Variants in CSMD1 observed in about 807,000 individuals in gnomAD.
CSMD1 encodes CUB and Sushi multiple domains 1.
Under a neutral mutation model 417.5 loss-of-function variants are expected in CSMD1, and 213 were observed. That is an observed-to-expected ratio of 0.51 (90% CI 0.46 to 0.57). The LOEUF (loss-of-function observed/expected upper bound fraction) is 0.57, where lower values mean the gene tolerates loss of function less well. CSMD1 is among the 20% of genes least tolerant of loss of function. CSMD1 has a pLI of 0.00. For synonymous variants in CSMD1, 2,862 were observed against 1,736.8 expected, an observed-to-expected ratio of 1.65 and a Z score of -16.11; for missense variants, 6,923 against 4,529.7, an observed-to-expected ratio of 1.53 and a Z score of -15.17.
At chr8:4,955,275 A>C (rs1809016375) in intron 1 of CSMD1, among the ~76,000 whole-genome samples, 2 of 152,096 alleles carry the variant, frequency 1.3e-5, no homozygotes. Flanking sequence ...AAAACCAATA[A>C]AGTTGCATAA....
At chr8:3,622,120 G>C (rs2449229) in intron 7 of CSMD1, among the ~76,000 whole-genome samples, 101,543 of 151,934 alleles carry the variant, frequency 0.67, 34,358 homozygotes, top group African/African-American at 0.74. Context: ...AGTTCTCAAT[G>C]AGTAAGCAGT....
chr8:4,413,621 G>C (rs1166903893), intron 3 of CSMD1, among the ~76,000 whole-genome samples: 3 of 152,122 alleles, frequency 2.0e-5, no homozygotes, highest in African/African-American at 4.8e-5. Context: ...CGAATATTCA[G>C]TTGCACAAGA....
At chr8:4,876,514 G>A (rs1338450181) in intron 1 of CSMD1, among the ~76,000 whole-genome samples, 2 of 152,112 alleles carry the variant, frequency 1.3e-5, no homozygotes, top group South Asian at 2.1e-4. Context: ...AAGACTATGT[G>A]TAAACATTTA....
At chr8:4,581,483 T>C (rs1286531687) in intron 2 of CSMD1, among the ~76,000 whole-genome samples, 7 of 152,214 alleles carry the variant, frequency 4.6e-5, no homozygotes, top group Non-Finnish European at 8.8e-5. Context: ...GAATATGAGA[T>C]AATCTTATGT....
At chr8:4,831,151 T>A (rs148637670) in intron 1 of CSMD1, among the ~76,000 whole-genome samples, 28 of 152,332 alleles carry the variant, frequency 1.8e-4, no homozygotes, top group Admixed American at 6.5e-4. Context: ...AATCATCCGT[T>A]ATTCAATGGA....
intron 3 of CSMD1, among the ~76,000 whole-genome samples, chr8:4,105,071 TTAAAG>T (rs1402750094): frequency 1.3e-5 from 2 of 152,178 alleles, no homozygotes; most frequent in African/African-American, 4.8e-5. Context: ...GCAATGAAAT[TTAAAG>T]TAAAGACAGC....
intron 7 of CSMD1, among the ~76,000 whole-genome samples, chr8:3,706,132 C>T (rs1585106779): frequency 6.6e-6 from 1 of 152,226 alleles, no homozygotes; most frequent in Non-Finnish European, 1.5e-5. Context: ...GGTTCACTTC[C>T]CTCCATTTAC....
intron 3 of CSMD1, among the ~76,000 whole-genome samples, chr8:4,269,939 T>G (rs553409024): frequency 2.6e-5 from 4 of 152,094 alleles, no homozygotes; most frequent in African/African-American, 9.7e-5. Context: ...AAGCCAACAG[T>G]TGGGGGAAAC....
chr8:3,781,146 G>T (rs954383663), intron 5 of CSMD1, among the ~76,000 whole-genome samples: 1 of 152,138 alleles, frequency 6.6e-6, no homozygotes, highest in Non-Finnish European at 1.5e-5. Context: ...CATGATCAAG[G>T]TTGTCCAAAC....
intron 3 of CSMD1, among the ~76,000 whole-genome samples, chr8:4,210,401 G>C (rs562132892): frequency 2.6e-5 from 4 of 152,266 alleles, no homozygotes; most frequent in Non-Finnish European, 5.9e-5. Flanking sequence ...GGATTTTATA[G>C]TGGAAACTGG....
intron 3 of CSMD1, among the ~76,000 whole-genome samples, chr8:4,039,638 C>G (rs891881685): frequency 1.3e-5 from 2 of 152,100 alleles, no homozygotes; most frequent in East Asian, 1.9e-4. Flanking sequence ...AGAGAAGGAC[C>G]TCATGGGACG....
chr8:4,023,296 T>G (rs942380259), intron 4 of CSMD1, among the ~76,000 whole-genome samples: 1 of 152,250 alleles, frequency 6.6e-6, no homozygotes, highest in Non-Finnish European at 1.5e-5. Flanking sequence ...AGACTCATTT[T>G]GAATTTAACT....
intron 2 of CSMD1, among the ~76,000 whole-genome samples, chr8:4,566,227 T>A (rs1798599245): frequency 6.6e-6 from 1 of 152,080 alleles, no homozygotes; most frequent in South Asian, 2.1e-4. Flanking sequence ...CATTCAACAA[T>A]GTAGCTATGA....
intron 1 of CSMD1, among the ~76,000 whole-genome samples, chr8:4,734,086 G>A (rs796324039): frequency 3.7e-4 from 56 of 152,104 alleles, no homozygotes; most frequent in African/African-American, 1.3e-3. Context: ...ATTTTTTATT[G>A]CATTGATAAA....
At chr8:3,881,823 G>C (rs1239172211) in intron 5 of CSMD1, among the ~76,000 whole-genome samples, 2 of 152,088 alleles carry the variant, frequency 1.3e-5, no homozygotes, top group Non-Finnish European at 2.9e-5. Context: ...ACAGAAGTGA[G>C]AAGCAAATCC....
At chr8:3,134,701 C>T (rs988258605) in intron 41 of CSMD1, among the ~76,000 whole-genome samples, 20 of 152,214 alleles carry the variant, frequency 1.3e-4, no homozygotes, top group African/African-American at 4.3e-4. Flanking sequence ...TCCCTTCCTT[C>T]TGCTGAAATA....
intron 3 of CSMD1, among the ~76,000 whole-genome samples, chr8:4,379,913 A>G (rs1472740335): frequency 6.6e-6 from 1 of 152,178 alleles, no homozygotes; most frequent in Non-Finnish European, 1.5e-5. Context: ...CTGGACGTGA[A>G]CTCCATGAGC....
At chr8:4,450,421 A>G (rs965296770) in intron 2 of CSMD1, among the ~76,000 whole-genome samples, 1 of 152,148 alleles carries the variant, frequency 6.6e-6, no homozygotes, top group Non-Finnish European at 1.5e-5. Flanking sequence ...AGGTCAAGAA[A>G]TGGAGACCAT....
chr8:3,592,947 C>A (rs937496125), intron 8 of CSMD1, among the ~76,000 whole-genome samples: 2 of 152,148 alleles, frequency 1.3e-5, no homozygotes, highest in African/African-American at 4.8e-5. Context: ...GCCCAAACAG[C>A]AAAGGTGGTG....
Sources: gnomAD v4.1 joint callset for allele counts (sites outside exome capture counted in the v4.1 genomes callset) on GRCh38, gnomAD v4.1.1 for gene constraint, MANE v1.5 for transcripts, NCBI Gene and HGNC (gene_info 2026-07-23, HGNC 2026-07-21) for gene names.